LRRTM4: variants seen among roughly 807,000 people sequenced by gnomAD.
The protein encoded by LRRTM4 is leucine rich repeat transmembrane neuronal 4, also known as leucine-rich repeat transmembrane neuronal protein 4.
Under a neutral mutation model 47.6 loss-of-function variants are expected in LRRTM4, and 25 were observed. The observed-to-expected ratio is 0.53, with a 90% CI of 0.38 to 0.73. LRRTM4 has a LOEUF of 0.73. Ranked by LOEUF, LRRTM4 falls within the 30% of genes least tolerant of loss-of-function variation. The pLI is 0.00. For missense variants in LRRTM4, 638 were observed against 713.4 expected, an observed-to-expected ratio of 0.89 and a Z score of 1.20; for synonymous variants, 311 against 269.5, an observed-to-expected ratio of 1.15 and a Z score of -1.51.
intron 3 of LRRTM4, among the ~76,000 whole-genome samples, chr2:77,086,713 G>T (rs1680729840): frequency 6.6e-6 from 1 of 151,850 alleles, no homozygotes; most frequent in Non-Finnish European, 1.5e-5. Flanking sequence ...CAGGCTGGTG[G>T]CGAAATCCTG....
At chr2:77,004,158 G>A (rs1016353915) in intron 3 of LRRTM4, among the ~76,000 whole-genome samples, 1 of 152,188 alleles carries the variant, frequency 6.6e-6, no homozygotes, top group South Asian at 2.1e-4. Flanking sequence ...ATTTTCTGGG[G>A]AGAAATTCAA....
chr2:77,483,885 T>G (rs1020460214), intron 3 of LRRTM4, among the ~76,000 whole-genome samples: 1 of 152,236 alleles, frequency 6.6e-6, no homozygotes, highest in Non-Finnish European at 1.5e-5. Context: ...AGCTTGAATT[T>G]ATTGATTGAC....
At chr2:77,132,567 G>C (rs1671830068) in intron 3 of LRRTM4, among the ~76,000 whole-genome samples, 1 of 152,168 alleles carries the variant, frequency 6.6e-6, no homozygotes. Context: ...TGTTTGGTGA[G>C]GACCCAGTCT....
intron 3 of LRRTM4, among the ~76,000 whole-genome samples, chr2:76,806,083 A>C (rs1043160002): frequency 1.3e-5 from 2 of 152,188 alleles, no homozygotes; most frequent in Admixed American, 6.5e-5. Context: ...GAACAAGGCA[A>C]AATATTGAAA....
At chr2:77,298,868 G>A (rs1052672615) in intron 3 of LRRTM4, among the ~76,000 whole-genome samples, 2 of 152,044 alleles carry the variant, frequency 1.3e-5, no homozygotes, top group Non-Finnish European at 2.9e-5. Context: ...TTTGTTGATA[G>A]CTTAAATTAT....
At chr2:77,072,783 A>C in intron 3 of LRRTM4, among the ~76,000 whole-genome samples, 1 of 117,464 alleles carries the variant, frequency 8.5e-6, no homozygotes, top group Non-Finnish European at 1.6e-5. Context: ...TGGGCGACAG[A>C]GTGAGACTCC....
At chr2:77,308,208 A>G (rs1677345860) in intron 3 of LRRTM4, among the ~76,000 whole-genome samples, 1 of 150,540 alleles carries the variant, frequency 6.6e-6, no homozygotes. Flanking sequence ...ATAATAAAAT[A>G]TTTGGTATGA....
At chr2:76,964,229 G>A (rs767878622) in intron 3 of LRRTM4, among the ~76,000 whole-genome samples, 6 of 150,554 alleles carry the variant, frequency 4.0e-5, no homozygotes, top group Non-Finnish European at 7.4e-5. Flanking sequence ...GTTGTTTGGA[G>A]AATACTGTTA....
chr2:76,864,660 CAA>C (rs758059198), intron 3 of LRRTM4, among the ~76,000 whole-genome samples: 19 of 100,690 alleles, frequency 1.9e-4, no homozygotes, highest in East Asian at 1.4e-3. Context: ...AACTCCATCC[CAA>C]AAAAAAAAAA....
intron 3 of LRRTM4, among the ~76,000 whole-genome samples, chr2:77,435,732 T>C (rs1675566969): frequency 6.6e-6 from 1 of 152,110 alleles, no homozygotes; most frequent in South Asian, 2.1e-4. Flanking sequence ...CAATTCAAGA[T>C]GTTAATAGTG....
chr2:77,043,431 A>G (rs1370918618), intron 3 of LRRTM4, among the ~76,000 whole-genome samples: 3 of 151,812 alleles, frequency 2.0e-5, no homozygotes, highest in South Asian at 2.1e-4. Flanking sequence ...AGCAACAAAG[A>G]GCACTTCTGA....
chr2:76,830,265 AATCTT>A (rs1418392037), intron 3 of LRRTM4, among the ~76,000 whole-genome samples: 5 of 152,122 alleles, frequency 3.3e-5, no homozygotes, highest in South Asian at 4.1e-4. Context: ...AAAACTATAA[AATCTT>A]ATCTTTAAGC....
chr2:76,862,944 T>A (rs1215920737), intron 3 of LRRTM4, among the ~76,000 whole-genome samples: 2 of 152,152 alleles, frequency 1.3e-5, no homozygotes, highest in African/African-American at 4.8e-5. Context: ...CCAAAGCAGA[T>A]CTTATTTCCA....
intron 3 of LRRTM4, among the ~76,000 whole-genome samples, chr2:77,245,439 G>A (rs1167098674): frequency 1.3e-5 from 2 of 149,296 alleles, no homozygotes; most frequent in African/African-American, 5.0e-5. Context: ...GGTCACTAGA[G>A]CCCAGGAGTT....
At chr2:77,313,359 C>T (rs527290221) in intron 3 of LRRTM4, among the ~76,000 whole-genome samples, 3 of 151,512 alleles carry the variant, frequency 2.0e-5, no homozygotes, top group Admixed American at 1.3e-4. Flanking sequence ...CTGGGATGTG[C>T]CTCCCTACCC....
chr2:77,092,491 C>A (rs200949801), intron 3 of LRRTM4, among the ~76,000 whole-genome samples: 2 of 127,908 alleles, frequency 1.6e-5, no homozygotes, highest in Non-Finnish European at 3.1e-5. Context: ...AAGGAAATAA[C>A]TTCTCAGTGT....
chr2:77,372,293 A>T (rs1355013173), intron 3 of LRRTM4, among the ~76,000 whole-genome samples: 1 of 151,784 alleles, frequency 6.6e-6, no homozygotes, highest in African/African-American at 2.4e-5. Flanking sequence ...GTCCAGAGAC[A>T]TACACATGTG....
At chr2:77,343,381 T>C (rs1671445425) in intron 3 of LRRTM4, among the ~76,000 whole-genome samples, 1 of 151,970 alleles carries the variant, frequency 6.6e-6, no homozygotes. Flanking sequence ...ATTAAAACAT[T>C]AGGATTTCTC....
chr2:76,909,234 G>A (rs1369899823), intron 3 of LRRTM4, among the ~76,000 whole-genome samples: 1 of 152,162 alleles, frequency 6.6e-6, no homozygotes. Context: ...AGAAAAACAA[G>A]CAATGGGGAA....
Sources: allele counts gnomAD v4.1 joint callset (sites outside exome capture counted in the v4.1 genomes callset), GRCh38; gene constraint gnomAD v4.1.1; transcripts MANE v1.5; gene names NCBI Gene and HGNC (gene_info 2026-07-23, HGNC 2026-07-21).